Variants in LIN28B observed in about 807,000 individuals in gnomAD.
LIN28B encodes the protein lin-28 RNA binding posttranscriptional regulator B.
LIN28B carries 5 observed loss-of-function variants against 21.9 expected under a neutral mutation model. That is an observed-to-expected ratio of 0.23 (90% CI 0.12 to 0.48). The LOEUF (loss-of-function observed/expected upper bound fraction) is 0.48, where lower values mean the gene tolerates loss of function less well. Ranked by LOEUF, LIN28B falls within the 20% of genes least tolerant of loss-of-function variation. The pLI is 0.98. For missense variants in LIN28B, 245 were observed against 310.5 expected, an observed-to-expected ratio of 0.79 and a Z score of 1.58; for synonymous variants, 109 against 111.3, an observed-to-expected ratio of 0.98 and a Z score of 0.13.
In LIN28B at chr6:105,073,825, T is replaced by G. The variant is rs541802275; in HGVS notation, c.384-4589T>G. ...TTCATTTACACCATTGGAATATTAT[T>G]TAAAAATTAATGTCTATATTTTAAC... is the stretch of plus-strand genomic sequence containing the variant. On this transcript the variant is annotated intron_variant, in intron 3 of 3. Transcript: ENST00000345080. Among the ~76,000 whole-genome samples the G allele has an allele frequency of 4.0e-4, 61 of 152,350 alleles. 1 individual carries two copies. In the South Asian group the frequency reaches 0.013, roughly 32 times the overall value.
chr6:105,024,298 T>TTAAA (rs1554188300), intron 2 of LIN28B, among the ~76,000 whole-genome samples: 2 of 152,146 alleles, frequency 1.3e-5, no homozygotes, highest in Admixed American at 6.6e-5. Context: ...AGCCCAGTGA[T>TTAAA]AGAGTTTTTG....
intron 2 of LIN28B, among the ~76,000 whole-genome samples, chr6:104,975,233 ATATCT>A (rs781164294): frequency 1.8e-3 from 273 of 152,320 alleles, no homozygotes; most frequent in Non-Finnish European, 2.6e-3. Flanking sequence ...AGATAGAGTA[ATATCT>A]TATCTTTGAT....
At chr6:104,955,164 T>A (rs1396939677), upstream of LIN28B, among the ~76,000 whole-genome samples, 2 of 152,232 alleles carry the variant, frequency 1.3e-5, no homozygotes, top group African/African-American at 4.8e-5. Flanking sequence ...TGTAATGCCA[T>A]CATTGAGATT....
intron 3 of LIN28B, among the ~76,000 whole-genome samples, chr6:105,066,323 A>C (rs1482763015): frequency 6.6e-6 from 1 of 152,218 alleles, no homozygotes. Context: ...TATTAGTTGC[A>C]TCAAAGGTAA....
Position 105,080,804 on chromosome 6 carries a change from A to T in LIN28B, c.*2021A>T, listed in dbSNP as rs1315015856. ...TTTAGCAGGTATAATAAGCAGGTTA[A>T]CAGTAAAAATGCAAAACATGATAGA... On this transcript the variant is annotated 3_prime_UTR_variant, in exon 4 of 4. Transcript: ENST00000345080. 1 of 152,692 alleles carries T rather than the reference A, an allele frequency of 6.5e-6. No homozygotes were observed. The highest frequency in any genetic ancestry group is 1.5e-5 in the Non-Finnish European group (1 of 68,052). The allele number at this position is 152,692 out of a possible 1,614,324, so 9.5% of individuals were successfully genotyped here.
At chr6:104,956,617 A>G (rs1364152655), upstream of LIN28B, among the ~76,000 whole-genome samples, 2 of 152,194 alleles carry the variant, frequency 1.3e-5, no homozygotes, top group African/African-American at 4.8e-5. Flanking sequence ...TCTTTTATAA[A>G]TTATATATTT....
intron 2 of LIN28B, among the ~76,000 whole-genome samples, chr6:104,998,781 C>T (rs1770663712): frequency 6.6e-6 from 1 of 152,000 alleles, no homozygotes; most frequent in East Asian, 1.9e-4. Flanking sequence ...AAATATTTAA[C>T]TAAAGTGAGT....
intron 2 of LIN28B, among the ~76,000 whole-genome samples, chr6:104,996,622 G>C (rs1770611424): frequency 6.6e-6 from 1 of 152,156 alleles, no homozygotes; most frequent in Non-Finnish European, 1.5e-5. Context: ...AATTAAGGAG[G>C]TGTAGAGGGG....
chr6:104,954,097 C>T (rs1452622228), upstream of LIN28B, among the ~76,000 whole-genome samples: 1 of 152,126 alleles, frequency 6.6e-6, no homozygotes, highest in African/African-American at 2.4e-5. Context: ...GCTACTTGAA[C>T]TCATTTTAAA....
At chr6:104,997,591 G>A (rs1770638928) in intron 2 of LIN28B, among the ~76,000 whole-genome samples, 1 of 147,138 alleles carries the variant, frequency 6.8e-6, no homozygotes, top group African/African-American at 2.5e-5. Flanking sequence ...TAGCCTGAAA[G>A]TTGCAATATA....
chr6:104,937,868 T>TA (rs1778028470), intron 2 of LIN28B, among the ~76,000 whole-genome samples: 1 of 151,668 alleles, frequency 6.6e-6, no homozygotes, highest in African/African-American at 2.4e-5. Context: ...GCATTGGAGA[T>TA]ATTAAGAGTA....
At chr6:104,942,750 G>A (rs1378177121) in intron 2 of LIN28B, among the ~76,000 whole-genome samples, 1 of 152,090 alleles carries the variant, frequency 6.6e-6, no homozygotes, top group African/African-American at 2.4e-5. Flanking sequence ...CTGACACAAG[G>A]CCTCTTCTAC....
At chr6:105,077,723 C>CTT (rs1486085810) in intron 3 of LIN28B, among the ~76,000 whole-genome samples, 1 of 152,140 alleles carries the variant, frequency 6.6e-6, no homozygotes, top group Non-Finnish European at 1.5e-5. Context: ...TATTTAGAAG[C>CTT]TTTCTTTTTT....
chr6:104,997,817 G>T (rs1296333707), intron 2 of LIN28B, among the ~76,000 whole-genome samples: 1 of 152,120 alleles, frequency 6.6e-6, no homozygotes, highest in Non-Finnish European at 1.5e-5. Flanking sequence ...TATATGCCTA[G>T]CATCCCCATT....
intron 2 of LIN28B, among the ~76,000 whole-genome samples, chr6:105,015,472 A>G (rs1771009090): frequency 6.6e-6 from 1 of 152,014 alleles, no homozygotes; most frequent in Non-Finnish European, 1.5e-5. Flanking sequence ...TTTTTTATCA[A>G]TTTGATAAAT....
At chr6:104,978,370 A>G (rs1367360821) in intron 2 of LIN28B, among the ~76,000 whole-genome samples, 5 of 152,312 alleles carry the variant, frequency 3.3e-5, no homozygotes, top group Non-Finnish European at 7.4e-5. Flanking sequence ...ATTAAATGTA[A>G]CTAGTAGAGG....
intron 3 of LIN28B, among the ~76,000 whole-genome samples, chr6:105,077,331 T>C (rs1312255968): frequency 1.3e-5 from 2 of 152,206 alleles, no homozygotes; most frequent in Non-Finnish European, 2.9e-5. Context: ...AAATATTTCA[T>C]TTGGAGACAA....
intron 2 of LIN28B, among the ~76,000 whole-genome samples, chr6:104,974,937 A>C (rs1407225741): frequency 6.6e-6 from 1 of 151,988 alleles, no homozygotes; most frequent in Non-Finnish European, 1.5e-5. Flanking sequence ...CTCCTGCCTC[A>C]GCCTCCCAAG....
intron 2 of LIN28B, among the ~76,000 whole-genome samples, chr6:105,012,124 C>T (rs1404017348): frequency 1.3e-5 from 2 of 151,966 alleles, no homozygotes; most frequent in Non-Finnish European, 2.9e-5. Context: ...CGCCACTGCA[C>T]TTCAGCCTGG....
Sources: allele counts gnomAD v4.1 joint callset (sites outside exome capture counted in the v4.1 genomes callset), GRCh38; gene constraint gnomAD v4.1.1; transcripts MANE v1.5; gene names NCBI Gene and HGNC (gene_info 2026-07-23, HGNC 2026-07-21).